The following UNC5A variants were observed in gnomAD, a reference collection of about 807,000 sequenced individuals.
UNC5A encodes the protein unc-5 netrin receptor A.
A neutral mutation model predicts 87.4 loss-of-function variants in UNC5A; 20 were observed. That is an observed-to-expected ratio of 0.23 (90% CI 0.16 to 0.33). UNC5A has a LOEUF of 0.33. Ranked by LOEUF, UNC5A falls within the 10% of genes least tolerant of loss-of-function variation. UNC5A has a pLI of 1.00. For missense variants in UNC5A, 844 were observed against 1,133.4 expected (o/e 0.74, Z 3.67); for synonymous variants, 438 against 482.3 (o/e 0.91, Z 1.20).
chr5:176,846,542 C>A (rs959212309), intron 1 of UNC5A, among the ~76,000 whole-genome samples: 2 of 152,196 alleles, frequency 1.3e-5, no homozygotes, highest in African/African-American at 4.8e-5. Flanking sequence ...CCAGGAAGCC[C>A]TCCTGGATGC....
At chr5:176,812,950 C>G (rs957825394) in intron 1 of UNC5A, among the ~76,000 whole-genome samples, 1 of 152,172 alleles carries the variant, frequency 6.6e-6, no homozygotes, top group African/African-American at 2.4e-5. Flanking sequence ...CAACAGCCTC[C>G]GGTGAAAAAT....
intron 1 of UNC5A, among the ~76,000 whole-genome samples, chr5:176,847,582 T>A (rs1757442157): frequency 6.6e-6 from 1 of 152,146 alleles, no homozygotes; most frequent in African/African-American, 2.4e-5. Flanking sequence ...TATCCACTGG[T>A]AGCCTCTCTC....
intron 1 of UNC5A, among the ~76,000 whole-genome samples, chr5:176,839,450 G>A (rs567529998): frequency 2.0e-5 from 3 of 152,354 alleles, no homozygotes; most frequent in South Asian, 4.1e-4. Context: ...CTGCTGTCAC[G>A]TTGGCTTCGT....
At position 176,841,202 on chromosome 5, in the gene UNC5A, T is replaced by G. The variant is rs549251804; in HGVS notation, c.71-21422T>G. 4.3e-4 allele frequency among the ~76,000 whole-genome samples: 66 copies of G among 152,326 alleles called. No individual in the cohort carries two copies. The highest frequency in any genetic ancestry group is 1.5e-3 in the African/African-American group (63 of 41,572). On this transcript the variant is annotated intron_variant, in intron 1 of 14. Transcript: ENST00000329542. This position sits in a 1 kb window ranked among gnomAD's most constrained non-coding sequence, Gnocchi z 4.1. ...AAAGTTGCAGGGGGCACCAGATGTC[T>G]GTTCTAATTTATTTCCTTTGAGCCA...
At chr5:176,839,060 G>A (rs900681335) in intron 1 of UNC5A, among the ~76,000 whole-genome samples, 2 of 152,168 alleles carry the variant, frequency 1.3e-5, no homozygotes, top group Non-Finnish European at 2.9e-5. Context: ...GCCTCTGTGC[G>A]TTTGCACCTG....
At chr5:176,832,464 A>G (rs1757053313) in intron 1 of UNC5A, among the ~76,000 whole-genome samples, 1 of 152,162 alleles carries the variant, frequency 6.6e-6, no homozygotes, top group Non-Finnish European at 1.5e-5. Context: ...CAAGTCACTT[A>G]TCTGCTTGAA....
intron 1 of UNC5A, among the ~76,000 whole-genome samples, chr5:176,840,466 C>T (rs1279396613): frequency 6.6e-6 from 1 of 152,204 alleles, no homozygotes; most frequent in Non-Finnish European, 1.5e-5. Flanking sequence ...CTTTTGTGCT[C>T]CTGTTTTAAT....
intron 1 of UNC5A, among the ~76,000 whole-genome samples, chr5:176,825,612 A>G (rs1175406959): frequency 6.6e-6 from 1 of 152,170 alleles, no homozygotes; most frequent in African/African-American, 2.4e-5. Context: ...CGAGGGCAGG[A>G]CAAGCATACT....
rs1757734940 is a variant in UNC5A, at chr5:176,858,772, AAG to A, written c.71-3851_71-3850del. 2.6e-4 allele frequency among the ~76,000 whole-genome samples: 37 copies of A among 140,222 alleles called. 1 individual carries two copies. The highest frequency in any genetic ancestry group is 4.2e-4 in the East Asian group (2 of 4,758). 92.0% of individuals were successfully genotyped at this position (140,222 alleles called of 152,430 possible). On this transcript the variant is annotated intron_variant, in intron 1 of 14. Transcript: ENST00000329542. ...GAAGGAAGGAAGGAAGGAAGGAAGG[AAG>A]GCAAGCAAGCAGGCAGGGAGGGAGG... is the stretch of plus-strand genomic sequence containing the variant.
Position 176,841,830 on chromosome 5 carries a change from A to G in UNC5A, c.71-20794A>G, listed in dbSNP as rs1171537945. On this transcript the variant is annotated intron_variant, in intron 1 of 14. Coordinates refer to ENST00000329542, the MANE Select transcript of UNC5A (RefSeq NM_133369.3). The surrounding 1 kb of genome is among the most constrained non-coding windows in gnomAD (Gnocchi z 4.1). ...CAACAATCATGAAAAAAGGCTCGAC[A>G]TCACTAATGATCAGGGAAATGCAAG... is the stretch of plus-strand genomic sequence containing the variant. Among the ~76,000 whole-genome samples, 1 of 152,254 alleles carries G rather than the reference A, an allele frequency of 6.6e-6. No homozygotes were observed. The highest frequency in any genetic ancestry group is 1.5e-5 in the Non-Finnish European group (1 of 68,044).
intron 1 of UNC5A, among the ~76,000 whole-genome samples, chr5:176,861,304 C>T (rs1418488396): frequency 6.6e-6 from 1 of 152,198 alleles, no homozygotes. Context: ...AACTGGGCAC[C>T]ACGCCCCATT....
intron 1 of UNC5A, among the ~76,000 whole-genome samples, chr5:176,811,129 T>C (rs1301003520): frequency 6.6e-6 from 1 of 152,136 alleles, no homozygotes; most frequent in African/African-American, 2.4e-5. Flanking sequence ...GGCTGGGGGT[T>C]TGGATCAACC....
At chr5:176,852,052 G>C (rs551246762) in intron 1 of UNC5A, among the ~76,000 whole-genome samples, 1 of 152,288 alleles carries the variant, frequency 6.6e-6, no homozygotes, top group African/African-American at 2.4e-5. Context: ...CGTGTTCCCA[G>C]CGCCCTGCCG....
chr5:176,865,692 C>T lies in UNC5A; in HGVS notation c.293-2438C>T. 1 of 456,642 alleles carries T rather than the reference C, an allele frequency of 2.2e-6. No homozygotes were observed. Among genetic ancestry groups the T allele is most frequent in the South Asian group, 1.5e-5 (1 of 64,576 alleles). The allele number at this position is 456,642 out of a possible 1,614,324, so 28.3% of individuals were successfully genotyped here. A position where few individuals can be genotyped will look rare whatever the true frequency, so the allele number is the denominator to read the frequency against. Reference sequence around the variant, plus strand: ...GCCACGCCGCCAAAGACCAAAGACCCCAAACCAGAAACGTTCTGTGGTCAG... The same window carrying T: ...GCCACGCCGCCAAAGACCAAAGACCTCAAACCAGAAACGTTCTGTGGTCAG... On this transcript the variant is annotated intron_variant, in intron 2 of 14. Transcript: ENST00000329542. The surrounding 1 kb of genome is among the most constrained non-coding windows in gnomAD (Gnocchi z 5.3).
Position 176,810,630 on chromosome 5 carries a change from C to A in UNC5A, c.-121C>A, listed in dbSNP as rs1299265155. The A allele has an allele frequency of 1.2e-4, 26 of 216,486 alleles. No homozygotes were observed. The highest frequency in any genetic ancestry group is 1.2e-4 in the Non-Finnish European group (16 of 129,258). 13.4% of individuals were successfully genotyped at this position (216,486 alleles called of 1,614,324 possible). Reference sequence around the variant, plus strand: ...CCGGCAGCCGGCCGCCCGGAGGCAGCGCAGTCCGCTGGCATGGGCCCCGGG... The same window carrying A: ...CCGGCAGCCGGCCGCCCGGAGGCAGAGCAGTCCGCTGGCATGGGCCCCGGG... On this transcript the variant is annotated 5_prime_UTR_variant, in exon 1 of 15. Coordinates refer to ENST00000329542, the MANE Select transcript of UNC5A (RefSeq NM_133369.3). The surrounding 1 kb of genome is among the most constrained non-coding windows in gnomAD (Gnocchi z 7.3).
At chr5:176,819,813 T>C (rs542545701) in intron 1 of UNC5A, among the ~76,000 whole-genome samples, 8 of 152,364 alleles carry the variant, frequency 5.3e-5, no homozygotes, top group African/African-American at 1.9e-4. Flanking sequence ...CTCAGCTTCT[T>C]GTCCACCAAG....
chr5:176,839,807 CT>C (rs58515865), intron 1 of UNC5A, among the ~76,000 whole-genome samples: 2,902 of 123,856 alleles, frequency 0.023, 69 homozygotes, highest in African/African-American at 0.077. Flanking sequence ...CGGCCACTTC[CT>C]TTTTTTTTTT....
intron 1 of UNC5A, among the ~76,000 whole-genome samples, chr5:176,822,581 G>A (rs1581244012): frequency 6.6e-6 from 1 of 152,346 alleles, no homozygotes; most frequent in African/African-American, 2.4e-5. Flanking sequence ...TCCAGGACAT[G>A]CAGAGCAGAG....
intron 1 of UNC5A, among the ~76,000 whole-genome samples, chr5:176,843,118 G>A (rs796518368): frequency 2.0e-5 from 3 of 150,284 alleles, no homozygotes; most frequent in African/African-American, 7.4e-5. Flanking sequence ...CCGAGATCGC[G>A]TCATTGCACT....
Sources: allele counts gnomAD v4.1 joint callset (sites outside exome capture counted in the v4.1 genomes callset), GRCh38; gene constraint gnomAD v4.1.1; non-coding constraint Gnocchi (gnomAD v3.1); transcripts MANE v1.5; gene names NCBI Gene and HGNC (gene_info 2026-07-23, HGNC 2026-07-21).